The following SIK2 variants were observed in gnomAD, a reference collection of about 807,000 sequenced individuals.
The protein encoded by SIK2 is salt inducible kinase 2, also known as serine/threonine-protein kinase SIK2.
In SIK2, 29 loss-of-function variants were observed where a neutral mutation model predicts 103.2. That is an observed-to-expected ratio of 0.28 (90% confidence interval 0.21 to 0.38). The LOEUF is 0.38. Ranked by LOEUF, SIK2 falls within the 10% of genes least tolerant of loss-of-function variation. The pLI, the probability that SIK2 is intolerant of heterozygous loss-of-function variation, is 1.00. For missense variants in SIK2, 879 were observed against 1,171.0 expected (o/e 0.75, Z 3.64); for synonymous variants, 412 against 446.1 (o/e 0.92, Z 0.96).
At chr11:111,677,343 T>C (rs975329224) in intron 3 of SIK2, among the ~76,000 whole-genome samples, 2 of 152,236 alleles carry the variant, frequency 1.3e-5, no homozygotes, top group African/African-American at 4.8e-5. Flanking sequence ...CAGTATCTCA[T>C]CTTGTCTGTA....
chr11:111,704,574 C>T (rs1279397403), intron 7 of SIK2, among the ~76,000 whole-genome samples: 2 of 152,186 alleles, frequency 1.3e-5, no homozygotes, highest in African/African-American at 4.8e-5. Context: ...TCAGAGTTTT[C>T]AGTGGTTCAG....
intron 3 of SIK2, among the ~76,000 whole-genome samples, chr11:111,637,972 A>G (rs913344683): frequency 2.0e-5 from 3 of 152,104 alleles, no homozygotes; most frequent in Non-Finnish European, 4.4e-5. Context: ...TTGTTTGTCA[A>G]TTCCTATTTA....
rs540321662 is a variant in SIK2 at position 111,711,090 on chromosome 11, A to G, written c.1102-1121A>G. Among the ~76,000 whole-genome samples the G allele has an allele frequency of 5.3e-5, 8 of 151,814 alleles. No individual in the cohort carries two copies. In the South Asian group the frequency reaches 1.7e-3, roughly 32 times the overall value. On this transcript the variant is annotated intron_variant, in intron 8 of 14. Transcript: ENST00000304987. ...TCATCTTTAAAATCAATTTTTGCCA[A>G]TTGTCATAAGGAAAAATTCTCTTTT...
chr11:111,721,815 C>A lies in SIK2; in HGVS notation c.1945-15C>A. 1 of 1,584,258 alleles carries A rather than the reference C, an allele frequency of 6.3e-7. No individual in the cohort carries two copies. Among genetic ancestry groups the A allele is most frequent in the East Asian group, 2.3e-5 (1 of 44,378 alleles). On this transcript the variant is annotated splice_polypyrimidine_tract_variant and intron_variant, in intron 12 of 14. Transcript: ENST00000304987. ...ATGGGGAATTGAAAATTGTTTCCACCCCCTTGCTCCTCAGGAAGAAGTTTC... is the reference window on the plus strand; with the variant it reads ...ATGGGGAATTGAAAATTGTTTCCACACCCTTGCTCCTCAGGAAGAAGTTTC...
intron 4 of SIK2, among the ~76,000 whole-genome samples, chr11:111,695,707 C>T (rs1389541545): frequency 6.6e-6 from 1 of 152,126 alleles, no homozygotes; most frequent in East Asian, 1.9e-4. Context: ...TAGCAGTTTC[C>T]CCAGGTGATT....
At chr11:111,700,817 T>G (rs975596287) in intron 4 of SIK2, 69 bp from the exon 5 acceptor site, 67 of 1,575,118 alleles carry the variant, frequency 4.3e-5, no homozygotes, top group Non-Finnish European at 5.7e-5. Context: ...TATTAGAAAA[T>G]TTATTACAGA....
chr11:111,689,984 G>GTA (rs34362451), intron 4 of SIK2, among the ~76,000 whole-genome samples: 406 of 148,732 alleles, frequency 2.7e-3, no homozygotes, highest in South Asian at 0.015. Flanking sequence ...GTGTGTATGT[G>GTA]TATATATATA....
chr11:111,703,452 A>G lies in SIK2; in HGVS notation c.948+29A>G, dbSNP rs773939564. ...AAGTGATCAGAGATTTCGGGGTTCT[A>G]CTGCACTTAGCTACTTGAAATTTCA... On this transcript the variant is annotated intron_variant, in intron 7 of 14. Coordinates refer to ENST00000304987, the MANE Select transcript of SIK2 (RefSeq NM_015191.3). The G allele has an allele frequency of 5.0e-6, 8 of 1,599,646 alleles. No homozygotes were observed. In the East Asian group the frequency reaches 1.1e-4, roughly 22 times the overall value.
chr11:111,722,873 G>GT lies in SIK2; in HGVS notation c.2147+118dup. 1.1e-6 allele frequency: 1 copy of GT among 882,838 alleles called. No homozygotes were observed. The highest frequency in any genetic ancestry group is 2.4e-5 in the Admixed American group (1 of 42,480). The allele number at this position is 882,838 out of a possible 1,614,324, so 54.7% of individuals were successfully genotyped here. A position where few individuals can be genotyped will look rare whatever the true frequency, so the allele number is the denominator to read the frequency against. ...ACTACTAGGAAAATAGGTTTTCTGC[G>GT]TGTGTCACAGGCCCTCTGAGCACGA... On this transcript the variant is annotated intron_variant, in intron 14 of 14. Coordinates refer to ENST00000304987, the MANE Select transcript of SIK2 (RefSeq NM_015191.3). The surrounding 1 kb of genome is among the most constrained non-coding windows in gnomAD (Gnocchi z 4.4).
At chr11:111,678,528 C>T (rs1270403361) in intron 3 of SIK2, among the ~76,000 whole-genome samples, 1 of 152,128 alleles carries the variant, frequency 6.6e-6, no homozygotes, top group African/African-American at 2.4e-5. Context: ...TGCTACTGTG[C>T]TCATCACTCT....
chr11:111,622,417 G>A (rs1010910402), intron 3 of SIK2, among the ~76,000 whole-genome samples: 4 of 151,500 alleles, frequency 2.6e-5, no homozygotes, highest in African/African-American at 7.3e-5. Context: ...CACCACACCC[G>A]GCTAATTTTT....
intron 3 of SIK2, among the ~76,000 whole-genome samples, chr11:111,643,548 C>T (rs773767720): frequency 3.9e-5 from 6 of 152,080 alleles, no homozygotes; most frequent in South Asian, 2.1e-4. Context: ...CGGTGGCTCA[C>T]GCCTGTAATC....
At chr11:111,692,481 C>G (rs1942972457) in intron 4 of SIK2, among the ~76,000 whole-genome samples, 1 of 149,772 alleles carries the variant, frequency 6.7e-6, no homozygotes, top group African/African-American at 2.5e-5. Flanking sequence ...GGCTGAGAGG[C>G]CAGAGCGAAT....
chr11:111,655,422 T>C (rs1942379348), intron 3 of SIK2, among the ~76,000 whole-genome samples: 1 of 152,008 alleles, frequency 6.6e-6, no homozygotes, highest in African/African-American at 2.4e-5. Context: ...AAAGAAAAAA[T>C]ATGTTTCTCT....
In SIK2 at chr11:111,724,052, G is replaced by C. The variant is rs758792474; in HGVS notation, c.2704G>C (p.Glu902Gln). ...PSSYDPLALSELPGLFDCEML... is the reference protein window; with the variant it reads ...PSSYDPLALSQLPGLFDCEML... ...CAGCTACGACCCACTAGCCCTCTCTGAGCTACCTGGACTCTTTGATTGTGA... is the reference window on the plus strand; with the variant it reads ...CAGCTACGACCCACTAGCCCTCTCTCAGCTACCTGGACTCTTTGATTGTGA... The change falls in exon 15 of 15, where the codon GAG becomes CAG. Residue 902 changes from glutamate (E) to glutamine (Q), a missense_variant. Around this residue, in one of 7 missense-constraint regions of SIK2, gnomAD observed 375 missense variants for 416.3 expected, o/e 0.90. Transcript: ENST00000304987. 1 of 1,614,114 alleles carries C rather than the reference G, an allele frequency of 6.2e-7. No individual in the cohort carries two copies. The highest frequency in any genetic ancestry group is 1.1e-5 in the South Asian group (1 of 91,080).
chr11:111,616,557 A>G (rs887390086), intron 2 of SIK2, among the ~76,000 whole-genome samples, 198 bp downstream of exon 2: 7 of 152,232 alleles, frequency 4.6e-5, no homozygotes, highest in African/African-American at 1.7e-4. Flanking sequence ...TCAGACTGCA[A>G]GTTGTTTTAA....
chr11:111,651,489 C>G (rs1417162462), intron 3 of SIK2, among the ~76,000 whole-genome samples: 1 of 152,098 alleles, frequency 6.6e-6, no homozygotes, highest in Non-Finnish European at 1.5e-5. Context: ...AATGAGAACA[C>G]AAAGACACAG....
intron 2 of SIK2, among the ~76,000 whole-genome samples, chr11:111,618,044 G>A (rs1217571004): frequency 6.6e-6 from 1 of 152,120 alleles, no homozygotes; most frequent in East Asian, 1.9e-4. Context: ...GCATGACAGT[G>A]TGTTTGGCTC....
At position 111,708,231 on chromosome 11, in the gene SIK2, A is replaced by C. The variant is rs922147583; in HGVS notation, c.1101+3092A>C. 2.0e-5 allele frequency among the ~76,000 whole-genome samples: 3 copies of C among 152,174 alleles called. No homozygotes were observed. The South Asian group carries it at 6.2e-4, about 32-fold the overall frequency. Reference sequence around the variant, plus strand: ...ATGCCATCTCTACTAAAAACAAAAAAATTAGCCGGTTATGGTAGTGCGTGC... The same window carrying C: ...ATGCCATCTCTACTAAAAACAAAAACATTAGCCGGTTATGGTAGTGCGTGC... On this transcript the variant is annotated intron_variant, in intron 8 of 14. Transcript: ENST00000304987.
Sources: allele counts gnomAD v4.1 joint callset (sites outside exome capture counted in the v4.1 genomes callset), GRCh38; gene constraint gnomAD v4.1.1; regional missense constraint gnomAD v4.1.1; non-coding constraint Gnocchi (gnomAD v3.1); transcripts MANE v1.5; gene names NCBI Gene and HGNC (gene_info 2026-07-23, HGNC 2026-07-21).